CRISPLD2: variants seen among roughly 807,000 people sequenced by gnomAD.
The protein encoded by CRISPLD2 is cysteine rich secretory protein LCCL domain containing 2, also known as cysteine-rich secretory protein LCCL domain-containing 2.
In CRISPLD2, 47 loss-of-function variants were observed where a neutral mutation model predicts 71.1. That is an observed-to-expected ratio of 0.66 (90% CI 0.52 to 0.84). CRISPLD2 has a LOEUF of 0.84. CRISPLD2 is among the 40% of genes least tolerant of loss of function. The pLI, the probability that CRISPLD2 is intolerant of heterozygous loss-of-function variation, is 0.00. For missense variants in CRISPLD2, 830 were observed against 651.1 expected (o/e 1.27, Z -2.99); for synonymous variants, 317 against 250.1 (o/e 1.27, Z -2.52).
At chr16:84,839,044 C>G in intron 2 of CRISPLD2, 1 of 465,790 alleles carries the variant, frequency 2.1e-6, no homozygotes, top group Non-Finnish European at 4.1e-6. Flanking sequence ...CACCATGGTG[C>G]CCAGCTAGAT....
At chr16:84,862,672 C>CTTTTTTT (rs764630306) in intron 6 of CRISPLD2, among the ~76,000 whole-genome samples, 4 of 99,216 alleles carry the variant, frequency 4.0e-5, no homozygotes, top group East Asian at 5.6e-4. Flanking sequence ...GTGGCCCAGG[C>CTTTTTTT]TTTTTTTTTT....
At chr16:84,883,180 C>T (rs1023460096) in intron 13 of CRISPLD2, among the ~76,000 whole-genome samples, 3 of 152,198 alleles carry the variant, frequency 2.0e-5, no homozygotes, top group African/African-American at 4.8e-5. Flanking sequence ...AAAGCCACCT[C>T]CGTGTGAGAG....
At chr16:84,876,984 A>G (rs2071524470) in intron 11 of CRISPLD2, among the ~76,000 whole-genome samples, 1 of 152,138 alleles carries the variant, frequency 6.6e-6, no homozygotes, top group South Asian at 2.1e-4. Context: ...GGCAGGAGGT[A>G]GGTGGTATGT....
chr16:84,885,911 T>A (rs937407411), intron 13 of CRISPLD2, among the ~76,000 whole-genome samples: 3 of 147,864 alleles, frequency 2.0e-5, no homozygotes, highest in Non-Finnish European at 4.5e-5. Context: ...CTCAACCTCC[T>A]GGGCTCAAGC....
At chr16:84,840,969 T>C (rs747464084) in intron 2 of CRISPLD2, among the ~76,000 whole-genome samples, 2 of 152,200 alleles carry the variant, frequency 1.3e-5, no homozygotes, top group Non-Finnish European at 2.9e-5. Context: ...CCCCGTGAGA[T>C]TCTTGCTATA....
chr16:84,904,606 TTAAAAA>T (rs1480270751), intron 14 of CRISPLD2, among the ~76,000 whole-genome samples: 5 of 142,156 alleles, frequency 3.5e-5, no homozygotes, highest in Non-Finnish European at 6.1e-5. Flanking sequence ...AAAAAAAAAT[TTAAAAA>T]AAAAATTAAA....
chr16:84,866,801 A>G, intron 6 of CRISPLD2, 96 bp from the exon 7 acceptor site: 2 of 1,206,408 alleles, frequency 1.7e-6, no homozygotes, highest in Non-Finnish European at 1.2e-6. Context: ...ACCAAACCTC[A>G]AACACGTTTA....
At chr16:84,849,723 T>C (rs563569785) in intron 4 of CRISPLD2, among the ~76,000 whole-genome samples, 1 of 151,384 alleles carries the variant, frequency 6.6e-6, no homozygotes, top group South Asian at 2.1e-4. Flanking sequence ...TACAAACTCT[T>C]TTTTTTCTTT....
intron 6 of CRISPLD2, among the ~76,000 whole-genome samples, chr16:84,859,420 C>G (rs912050113): frequency 6.6e-6 from 1 of 152,162 alleles, no homozygotes; most frequent in South Asian, 2.1e-4. Flanking sequence ...TTCCCTTTCC[C>G]CAGTGCACGG....
chr16:84,902,343 C>G (rs954925774), intron 14 of CRISPLD2, among the ~76,000 whole-genome samples: 1 of 151,878 alleles, frequency 6.6e-6, no homozygotes, highest in African/African-American at 2.4e-5. Context: ...GGCGCAGTGG[C>G]TCACGCCTGT....
chr16:84,877,522 C>G lies in CRISPLD2; in HGVS notation c.1229+12C>G. 3.1e-6 allele frequency: 5 copies of G among 1,613,050 alleles called. No homozygotes were observed. The highest frequency in any genetic ancestry group is 4.2e-6 in the Non-Finnish European group (5 of 1,179,158). ...ACTCACTGCCCAAGGTAAGGCGGGC[C>G]TGATCTGTCATCTTTTCTATGGAAG... On this transcript the variant is annotated intron_variant, in intron 12 of 14. Transcript: ENST00000262424.
At chr16:84,852,839 G>C (rs541251801) in intron 5 of CRISPLD2, among the ~76,000 whole-genome samples, 2 of 152,324 alleles carry the variant, frequency 1.3e-5, no homozygotes, top group East Asian at 3.9e-4. Flanking sequence ...GGCCGAGGCA[G>C]GAGAATCGCT....
chr16:84,865,109 A>T (rs916169392), intron 6 of CRISPLD2, among the ~76,000 whole-genome samples: 1 of 152,096 alleles, frequency 6.6e-6, no homozygotes, highest in Non-Finnish European at 1.5e-5. Flanking sequence ...GTATTTTAAG[A>T]AGTGGAGCTA....
In CRISPLD2 at chr16:84,906,851, G is replaced by A; in HGVS notation, c.*209G>A. 1.5e-6 allele frequency: 1 copy of A among 657,414 alleles called. No individual in the cohort carries two copies. The highest frequency in any genetic ancestry group is 2.3e-5 in the Admixed American group (1 of 43,456). The allele number at this position is 657,414 out of a possible 1,614,324, so 40.7% of individuals were successfully genotyped here. A position where few individuals can be genotyped will look rare whatever the true frequency, so the allele number is the denominator to read the frequency against. On this transcript the variant is annotated 3_prime_UTR_variant, in exon 15 of 15. Transcript: ENST00000262424. The stretch of plus-strand genomic sequence containing the variant: ...CCCAAGGTGCTCAGCCGGACTCCCT[G>A]GTGCCTGATCCTGCTGGGGCCTGGG...
chr16:84,876,940 G>A (rs1472258448), intron 11 of CRISPLD2, among the ~76,000 whole-genome samples: 5 of 152,116 alleles, frequency 3.3e-5, no homozygotes, highest in African/African-American at 7.2e-5. Context: ...AAAGCCCCTC[G>A]CCCCTCAGCA....
At position 84,871,547 on chromosome 16, in the gene CRISPLD2, G is replaced by C. The variant is rs116375544; in HGVS notation, c.915-895G>C. On this transcript the variant is annotated intron_variant, in intron 8 of 14. Coordinates refer to ENST00000262424, the MANE Select transcript of CRISPLD2 (RefSeq NM_031476.4). ...GAGTCAGACTCTTTCTTGGGGTTTTGTTTGTTTGTTTGTTGGTTTGTTGAG... is the reference window on the plus strand; with the variant it reads ...GAGTCAGACTCTTTCTTGGGGTTTTCTTTGTTTGTTTGTTGGTTTGTTGAG... Among the ~76,000 whole-genome samples, 319 of 152,104 alleles carry C rather than the reference G, an allele frequency of 2.1e-3. 1 individual carries two copies. The highest frequency in any genetic ancestry group is 7.3e-3 in the African/African-American group (304 of 41,510).
chr16:84,873,155 G>C, intron 10 of CRISPLD2, 33 bp downstream of exon 10: 1 of 1,596,288 alleles, frequency 6.3e-7, no homozygotes, highest in South Asian at 1.1e-5. Flanking sequence ...TCTGTGAAAC[G>C]GTTTTCCTGT....
intron 8 of CRISPLD2, among the ~76,000 whole-genome samples, chr16:84,869,567 A>G (rs565665574): frequency 2.0e-5 from 3 of 152,320 alleles, no homozygotes; most frequent in Non-Finnish European, 2.9e-5. Context: ...AGCAGCCGGG[A>G]TGAGGCGGCT....
chr16:84,862,048 G>A (rs545444962), intron 6 of CRISPLD2, among the ~76,000 whole-genome samples: 3 of 152,274 alleles, frequency 2.0e-5, no homozygotes, highest in African/African-American at 7.2e-5. Flanking sequence ...CAGTCCTCCC[G>A]GGCTGTTTGA....
Sources: gnomAD v4.1 joint callset for allele counts (sites outside exome capture counted in the v4.1 genomes callset) on GRCh38, gnomAD v4.1.1 for gene constraint, MANE v1.5 for transcripts, NCBI Gene and HGNC (gene_info 2026-07-23, HGNC 2026-07-21) for gene names.